MPP7: variants seen among roughly 807,000 people sequenced by gnomAD.
MPP7 encodes the protein MAGUK p55 scaffold protein 7.
Under a neutral mutation model 76.5 loss-of-function variants are expected in MPP7, and 60 were observed. The observed-to-expected ratio is 0.78, with a 90% CI of 0.64 to 0.97. The LOEUF is 0.97. Ranked by LOEUF, MPP7 falls within the 50% of genes least tolerant of loss-of-function variation. The probability of loss-of-function intolerance (pLI) is 0.00; values close to 1 mark genes in which losing one functional copy is unlikely to be tolerated. For synonymous variants in MPP7, 237 were observed against 244.5 expected, an observed-to-expected ratio of 0.97 and a Z score of 0.29; for missense variants, 641 against 694.0, an observed-to-expected ratio of 0.92 and a Z score of 0.86.
intron 3 of MPP7, 134 bp from the exon 4 acceptor site, chr10:28,150,193 A>ATGTG: frequency 9.5e-6 from 6 of 634,066 alleles, no homozygotes; most frequent in Non-Finnish European, 1.7e-5. Flanking sequence ...TATTACACAC[A>ATGTG]TGTAATATGT....
intron 1 of MPP7, among the ~76,000 whole-genome samples, chr10:28,265,015 G>A (rs1432097629): frequency 6.6e-6 from 1 of 152,150 alleles, no homozygotes; most frequent in Non-Finnish European, 1.5e-5. Flanking sequence ...TAGACAGACA[G>A]GACAAGGGCA....
chr10:28,268,027 C>A, intron 1 of MPP7, among the ~76,000 whole-genome samples: 1 of 152,030 alleles, frequency 6.6e-6, no homozygotes, highest in Non-Finnish European at 1.5e-5. Context: ...GAAGTACACC[C>A]ACCCTGCCTC....
At chr10:28,183,799 C>A (rs1190837957) in intron 3 of MPP7, among the ~76,000 whole-genome samples, 1 of 151,994 alleles carries the variant, frequency 6.6e-6, no homozygotes, top group East Asian at 1.9e-4. Context: ...CAAAAAAAAA[C>A]AAGTTTGTTA....
At chr10:28,303,431 T>C (rs1206522572), upstream of MPP7, 3 of 152,254 alleles carry the variant, frequency 2.0e-5, no homozygotes, top group East Asian at 5.8e-4. Flanking sequence ...GCGAGTTTTC[T>C]TAAGCCGCTG....
intron 2 of MPP7, among the ~76,000 whole-genome samples, chr10:28,309,698 C>T (rs1841278326): frequency 6.6e-6 from 1 of 152,104 alleles, no homozygotes. Flanking sequence ...AATTGTGGTC[C>T]CCAGTGTTGG....
At chr10:28,186,744 C>T (rs973079071) in intron 3 of MPP7, among the ~76,000 whole-genome samples, 1 of 152,090 alleles carries the variant, frequency 6.6e-6, no homozygotes, top group African/African-American at 2.4e-5. Context: ...ACCCAAGGTC[C>T]CAGAATTGTA....
chr10:28,297,481 G>A (rs769282907), intron 1 of MPP7, among the ~76,000 whole-genome samples: 33 of 152,124 alleles, frequency 2.2e-4, no homozygotes, highest in African/African-American at 7.5e-4. Flanking sequence ...GGTGGACTGC[G>A]TGAGCTCAGG....
chr10:28,187,091 A>G (rs1837262130), intron 3 of MPP7, among the ~76,000 whole-genome samples: 1 of 152,182 alleles, frequency 6.6e-6, no homozygotes, highest in African/African-American at 2.4e-5. Context: ...TAAATATAAG[A>G]CGGTTGTTCT....
chr10:28,097,895 A>G (rs1853642767), intron 11 of MPP7, among the ~76,000 whole-genome samples: 1 of 152,202 alleles, frequency 6.6e-6, no homozygotes, highest in Admixed American at 6.5e-5. Flanking sequence ...ATGCAGGACC[A>G]TGACTAGAAA....
At chr10:28,195,131 C>T (rs1837538685) in intron 3 of MPP7, among the ~76,000 whole-genome samples, 2 of 152,158 alleles carry the variant, frequency 1.3e-5, no homozygotes, top group African/African-American at 2.4e-5. Flanking sequence ...CCAATAAGCA[C>T]ATGAAAAGAT....
chr10:28,136,469 G>A (rs1835357563), intron 5 of MPP7, among the ~76,000 whole-genome samples: 1 of 151,842 alleles, frequency 6.6e-6, no homozygotes, highest in African/African-American at 2.4e-5. Context: ...AAAGAAAGCA[G>A]AAAATACTGC....
intron 13 of MPP7, among the ~76,000 whole-genome samples, chr10:28,067,629 C>T (rs1038861355): frequency 3.3e-5 from 5 of 152,154 alleles, no homozygotes; most frequent in Admixed American, 2.0e-4. Context: ...TCTATAACAA[C>T]TTCAGAGGCA....
At chr10:28,325,134 T>A (rs1473113010) in intron 2 of MPP7, among the ~76,000 whole-genome samples, 1 of 152,108 alleles carries the variant, frequency 6.6e-6, no homozygotes, top group Non-Finnish European at 1.5e-5. Context: ...GCTCAAGTGA[T>A]CCTCCTGCCT....
chr10:28,196,774 C>T (rs981925388), intron 3 of MPP7, among the ~76,000 whole-genome samples: 1 of 152,124 alleles, frequency 6.6e-6, no homozygotes, highest in African/African-American at 2.4e-5. Context: ...ATCAGCCTCC[C>T]TCTCTCAAAC....
chr10:28,315,350 G>A (rs1564771017), intron 2 of MPP7, among the ~76,000 whole-genome samples: 1 of 148,990 alleles, frequency 6.7e-6, no homozygotes. Flanking sequence ...GGGAGGGAAG[G>A]AGGGAGGAAG....
chr10:28,245,019 C>G (rs1029566857), intron 1 of MPP7, among the ~76,000 whole-genome samples: 2 of 152,188 alleles, frequency 1.3e-5, no homozygotes, highest in Non-Finnish European at 2.9e-5. Flanking sequence ...ATCCTCCACA[C>G]TTCTCCTCTG....
chr10:28,222,445 A>T (rs1838542332), intron 2 of MPP7, among the ~76,000 whole-genome samples: 1 of 151,798 alleles, frequency 6.6e-6, no homozygotes, highest in Non-Finnish European at 1.5e-5. Context: ...GATTGCGCCA[A>T]TGCACTCCAG....
chr10:28,188,050 C>A (rs1564687836), intron 3 of MPP7, among the ~76,000 whole-genome samples: 1 of 152,130 alleles, frequency 6.6e-6, no homozygotes, highest in African/African-American at 2.4e-5. Context: ...GCTCTATGAG[C>A]CTCTGTTCAG....
At chr10:28,255,212 C>A (rs1839745899) in intron 1 of MPP7, among the ~76,000 whole-genome samples, 1 of 152,126 alleles carries the variant, frequency 6.6e-6, no homozygotes, top group Admixed American at 6.5e-5. Context: ...CTCCCAGGTT[C>A]AAGTGATTCT....
Sources: gnomAD v4.1 joint callset for allele counts (sites outside exome capture counted in the v4.1 genomes callset) on GRCh38, gnomAD v4.1.1 for gene constraint, MANE v1.5 for transcripts, NCBI Gene and HGNC (gene_info 2026-07-23, HGNC 2026-07-21) for gene names.